Variants in AK7 observed in about 807,000 individuals in gnomAD.
AK7 encodes the protein adenylate kinase 7, also known as ATP-AMP transphosphorylase 7.
A neutral mutation model predicts 96.6 loss-of-function variants in AK7; 78 were observed. That is an observed-to-expected ratio of 0.81 (90% CI 0.67 to 0.97). The LOEUF is 0.97. Among genes scored for constraint, AK7 ranks in the 50% least tolerant of loss-of-function variants. The pLI is 0.00. For missense variants in AK7, 855 were observed against 887.9 expected (o/e 0.96, Z 0.47); for synonymous variants, 302 against 317.2 (o/e 0.95, Z 0.51).
At chr14:96,469,310 C>T (rs1894753085) in intron 12 of AK7, among the ~76,000 whole-genome samples, 1 of 152,186 alleles carries the variant, frequency 6.6e-6, no homozygotes, top group Non-Finnish European at 1.5e-5. Context: ...CACCTGAGGT[C>T]AGGAGTTTGA....
chr14:96,393,496 G>A, intron 1 of AK7, among the ~76,000 whole-genome samples: 1 of 152,200 alleles, frequency 6.6e-6, no homozygotes, highest in Non-Finnish European at 1.5e-5. Flanking sequence ...GGAAGCTCCA[G>A]GGGAAGAACT....
chr14:96,483,955 C>A (rs1006579487), intron 16 of AK7, among the ~76,000 whole-genome samples: 1 of 151,304 alleles, frequency 6.6e-6, no homozygotes, highest in Admixed American at 6.6e-5. Context: ...TTAGGCTGGG[C>A]ATGGTGGTTC....
At chr14:96,434,906 A>G (rs966861708) in intron 5 of AK7, among the ~76,000 whole-genome samples, 6 of 152,150 alleles carry the variant, frequency 3.9e-5, no homozygotes, top group African/African-American at 1.2e-4. Flanking sequence ...ACTAGTGCTG[A>G]TGTTCCCTTA....
chr14:96,403,234 A>G (rs1890520219), intron 2 of AK7, among the ~76,000 whole-genome samples: 1 of 152,244 alleles, frequency 6.6e-6, no homozygotes, highest in South Asian at 2.1e-4. Flanking sequence ...CAGATGGCAC[A>G]CAGGTAGAAC....
chr14:96,398,050 T>C, intron 1 of AK7, 25 bp from the exon 2 acceptor site: 2 of 1,603,168 alleles, frequency 1.2e-6, no homozygotes, highest in Non-Finnish European at 1.7e-6. Flanking sequence ...CTCTTACCAT[T>C]TGGGAAATTT....
chr14:96,471,382 T>TTGAC, intron 12 of AK7, 96 bp from the exon 13 acceptor site: 1 of 704,222 alleles, frequency 1.4e-6, no homozygotes, highest in Non-Finnish European at 2.1e-6. Flanking sequence ...AATAGTACCT[T>TTGAC]TGACTACACA....
intron 2 of AK7, among the ~76,000 whole-genome samples, chr14:96,403,124 A>AAATG (rs1230665552): frequency 6.7e-6 from 1 of 150,318 alleles, no homozygotes; most frequent in Non-Finnish European, 1.5e-5. Context: ...TTAAATAAAT[A>AAATG]AATAAATAAA....
chr14:96,409,661 G>A (rs937695531), intron 4 of AK7, among the ~76,000 whole-genome samples: 1 of 152,188 alleles, frequency 6.6e-6, no homozygotes, highest in Non-Finnish European at 1.5e-5. Flanking sequence ...GTCCATCTCT[G>A]AATCACACCA....
At chr14:96,468,357 G>A (rs1362780256) in intron 12 of AK7, among the ~76,000 whole-genome samples, 3 of 142,298 alleles carry the variant, frequency 2.1e-5, no homozygotes, top group Non-Finnish European at 3.0e-5. Context: ...GCTGGAGTGC[G>A]CGATCTCGGC....
At chr14:96,450,433 A>T (rs1485584181) in intron 9 of AK7, among the ~76,000 whole-genome samples, 5 of 88,858 alleles carry the variant, frequency 5.6e-5, no homozygotes, top group African/African-American at 1.2e-4. Context: ...AAAAAAATTA[A>T]AAAAAAAAAA....
At chr14:96,398,438 T>A in intron 2 of AK7, 175 bp downstream of exon 2, 1 of 663,406 alleles carries the variant, frequency 1.5e-6, no homozygotes, top group Middle Eastern at 4.2e-4. Context: ...ACCCCACTTT[T>A]AATTTTCGGC....
At chr14:96,487,950 T>C in intron 17 of AK7, 1 of 369,356 alleles carries the variant, frequency 2.7e-6, no homozygotes, top group South Asian at 2.1e-5. Context: ...TTCACTCTTG[T>C]TGCTCAGGTT....
At position 96,472,725 on chromosome 14, in the gene AK7, A is replaced by G. The variant is rs1277579464; in HGVS notation, c.1525A>G (p.Met509Val). The change falls in exon 14 of 18, where the codon ATG (methionine) becomes GTG (valine). Residue 509 changes from methionine to valine, a missense_variant. Physicochemically the swap from Met to Val is conservative, Grantham distance 21 (BLOSUM62 1). Transcript: ENST00000267584. ...EEEEDDVRGR[M>V]FPFDKLIIPE... Reference sequence around the variant, plus strand: ...GGAGGAAGATGATGTCAGAGGCAGAATGTTTCCCTTTGATAAATTAATTAT... The same window carrying G: ...GGAGGAAGATGATGTCAGAGGCAGAGTGTTTCCCTTTGATAAATTAATTAT... 1.2e-6 allele frequency: 2 copies of G among 1,612,818 alleles called. No individual in the cohort carries two copies. The highest frequency in any genetic ancestry group is 8.5e-7 in the Non-Finnish European group (1 of 1,179,018).
chr14:96,437,967 A>T, intron 6 of AK7, 52 bp downstream of exon 6: 2 of 1,533,972 alleles, frequency 1.3e-6, no homozygotes, highest in Non-Finnish European at 1.8e-6. Context: ...TACGATACAG[A>T]TACGCAATTT....
intron 6 of AK7, among the ~76,000 whole-genome samples, chr14:96,442,116 G>A (rs991493189): frequency 2.0e-5 from 3 of 152,132 alleles, no homozygotes; most frequent in African/African-American, 7.2e-5. Flanking sequence ...CACTTAAACA[G>A]TACTCATCAT....
intron 4 of AK7, among the ~76,000 whole-genome samples, chr14:96,413,839 C>G (rs725917): frequency 0.2 from 31,176 of 152,108 alleles, 3,479 homozygotes; most frequent in East Asian, 0.5. Context: ...TGATGCCACC[C>G]CACTGTCTTC....
At chr14:96,475,298 G>C (rs931335042) in intron 14 of AK7, among the ~76,000 whole-genome samples, 2 of 152,208 alleles carry the variant, frequency 1.3e-5, no homozygotes, top group African/African-American at 4.8e-5. Context: ...CAATGCCATT[G>C]AAATAATTTA....
chr14:96,449,575 A>G (rs1000427819), intron 8 of AK7, among the ~76,000 whole-genome samples: 6 of 152,168 alleles, frequency 3.9e-5, no homozygotes, highest in African/African-American at 1.4e-4. Context: ...CTGGGACTAC[A>G]TGCACACGCC....
chr14:96,488,036 C>T (rs1444541784), intron 17 of AK7: 1 of 401,388 alleles, frequency 2.5e-6, no homozygotes, highest in East Asian at 6.6e-5. Flanking sequence ...CCTTAGCCTC[C>T]CAAGTAGCTG....
Sources: allele counts gnomAD v4.1 joint callset (sites outside exome capture counted in the v4.1 genomes callset), GRCh38; gene constraint gnomAD v4.1.1; transcripts MANE v1.5; gene names NCBI Gene and HGNC (gene_info 2026-07-23, HGNC 2026-07-21).